The following LRMDA variants were observed in gnomAD, a reference collection of about 807,000 sequenced individuals.
The protein encoded by LRMDA is leucine-rich melanocyte differentiation-associated protein.
In LRMDA, 18 loss-of-function variants were observed where a neutral mutation model predicts 29.8. That is an observed-to-expected ratio of 0.60 (90% CI 0.42 to 0.90). The LOEUF (loss-of-function observed/expected upper bound fraction) is 0.90, where lower values mean the gene tolerates loss of function less well. Ranked by LOEUF, LRMDA falls within the 40% of genes least tolerant of loss-of-function variation. The pLI is 0.00. For missense variants in LRMDA, 273 were observed against 273.9 expected, an observed-to-expected ratio of 1.00 and a Z score of 0.02; for synonymous variants, 125 against 109.4, an observed-to-expected ratio of 1.14 and a Z score of -0.89.
chr10:76,211,453 GT>G (rs1851632417), intron 5 of LRMDA, among the ~76,000 whole-genome samples: 2 of 152,228 alleles, frequency 1.3e-5, no homozygotes, highest in Admixed American at 1.3e-4. Flanking sequence ...TACTCAAGAA[GT>G]CTTACTACAC....
At chr10:75,461,695 T>C (rs1165134608) in intron 2 of LRMDA, among the ~76,000 whole-genome samples, 3 of 152,182 alleles carry the variant, frequency 2.0e-5, no homozygotes, top group Non-Finnish European at 2.9e-5. Flanking sequence ...CACAGGGGAA[T>C]GCTTGTGTAT....
intron 5 of LRMDA, among the ~76,000 whole-genome samples, chr10:76,285,911 A>G (rs534889031): frequency 4.4e-4 from 67 of 152,336 alleles, no homozygotes; most frequent in African/African-American, 1.5e-3. Flanking sequence ...GTAAATTCAT[A>G]TTATTAAACT....
At chr10:76,338,035 G>A (rs1840990567) in intron 6 of LRMDA, among the ~76,000 whole-genome samples, 2 of 144,632 alleles carry the variant, frequency 1.4e-5, no homozygotes, top group African/African-American at 5.2e-5. Context: ...TTTCAAGGCA[G>A]AAGAAATAAT....
intron 5 of LRMDA, among the ~76,000 whole-genome samples, chr10:76,059,420 G>A (rs1848669055): frequency 6.6e-6 from 1 of 152,210 alleles, no homozygotes; most frequent in Non-Finnish European, 1.5e-5. Context: ...TGGAGAATTG[G>A]CTTGGGGTCT....
At chr10:76,377,137 G>A (rs529617069) in intron 6 of LRMDA, among the ~76,000 whole-genome samples, 2 of 151,750 alleles carry the variant, frequency 1.3e-5, no homozygotes, top group South Asian at 2.1e-4. Flanking sequence ...TGCCCACCTC[G>A]GCCTCCCAAA....
chr10:76,336,603 G>A (rs1379561641), intron 6 of LRMDA, among the ~76,000 whole-genome samples: 2 of 152,058 alleles, frequency 1.3e-5, no homozygotes, highest in Non-Finnish European at 2.9e-5. Flanking sequence ...AAATAATGCA[G>A]TGCTAATTCC....
At chr10:76,240,351 T>C (rs1589389652) in intron 5 of LRMDA, among the ~76,000 whole-genome samples, 2 of 150,874 alleles carry the variant, frequency 1.3e-5, no homozygotes, top group Non-Finnish European at 2.9e-5. Context: ...AAACATCATA[T>C]GTTCTCATTC....
rs891933281 is a variant in LRMDA, at chr10:76,502,322, A to G, written c.602-54887A>G. Reference sequence around the variant, plus strand: ...GCCTCCAGTTTTGTTCTTTTTGCTTAGGATTGTTTTGGCTATTTGAGCTCT... The same window carrying G: ...GCCTCCAGTTTTGTTCTTTTTGCTTGGGATTGTTTTGGCTATTTGAGCTCT... On this transcript the variant is annotated intron_variant, in intron 6 of 6. Coordinates refer to ENST00000611255, the MANE Select transcript of LRMDA (RefSeq NM_001305581.2). Among the ~76,000 whole-genome samples, 4 of 152,020 alleles carry G rather than the reference A, an allele frequency of 2.6e-5. No homozygotes were observed. The East Asian group carries it at 7.7e-4, about 29-fold the overall frequency.
intron 2 of LRMDA, among the ~76,000 whole-genome samples, chr10:75,578,343 G>A (rs1840537828): frequency 6.7e-6 from 1 of 149,418 alleles, no homozygotes; most frequent in Non-Finnish European, 1.5e-5. Context: ...AATGCAACAA[G>A]AAGAGTTAAC....
chr10:76,057,349 G>A (rs1848633030), intron 4 of LRMDA, among the ~76,000 whole-genome samples: 1 of 152,174 alleles, frequency 6.6e-6, no homozygotes, highest in African/African-American at 2.4e-5. Flanking sequence ...CCTAAGGCCT[G>A]GCACATAGTA....
intron 2 of LRMDA, among the ~76,000 whole-genome samples, chr10:75,508,617 G>C: frequency 6.6e-6 from 1 of 152,178 alleles, no homozygotes; most frequent in East Asian, 1.9e-4. Context: ...GATAATCTAA[G>C]CATTATAGCA....
chr10:75,970,106 T>C (rs1015791035), intron 2 of LRMDA, among the ~76,000 whole-genome samples: 5 of 152,232 alleles, frequency 3.3e-5, no homozygotes, highest in Admixed American at 6.5e-5. Flanking sequence ...TAGGTAGCTC[T>C]CTGGATACTT....
chr10:75,543,663 A>G (rs532140618), intron 2 of LRMDA, among the ~76,000 whole-genome samples: 1 of 152,242 alleles, frequency 6.6e-6, no homozygotes, highest in African/African-American at 2.4e-5. Context: ...AATAAGATAG[A>G]TATTTTATTT....
At chr10:76,006,084 C>T (rs1008186033) in intron 2 of LRMDA, among the ~76,000 whole-genome samples, 3 of 152,018 alleles carry the variant, frequency 2.0e-5, no homozygotes, top group African/African-American at 7.3e-5. Flanking sequence ...AGAACAGATC[C>T]GCCAATGAGA....
intron 5 of LRMDA, among the ~76,000 whole-genome samples, chr10:76,192,179 G>A (rs918354517): frequency 1.3e-5 from 2 of 152,162 alleles, no homozygotes; most frequent in Non-Finnish European, 2.9e-5. Context: ...TTAGATTCTA[G>A]TGTGCTCTTT....
intron 2 of LRMDA, among the ~76,000 whole-genome samples, chr10:75,729,772 T>A (rs955701040): frequency 2.0e-5 from 3 of 152,180 alleles, no homozygotes; most frequent in African/African-American, 7.2e-5. Context: ...CTTGTGCATC[T>A]GGCTGGGTTT....
chr10:75,613,825 T>C (rs1373730907), intron 2 of LRMDA, among the ~76,000 whole-genome samples: 2 of 152,202 alleles, frequency 1.3e-5, no homozygotes, highest in Admixed American at 1.3e-4. Context: ...AGTAATACTA[T>C]AGCGACTCAT....
intron 2 of LRMDA, among the ~76,000 whole-genome samples, chr10:75,869,710 G>T (rs1437927126): frequency 6.6e-6 from 1 of 152,060 alleles, no homozygotes; most frequent in African/African-American, 2.4e-5. Context: ...CTTCAGGTTG[G>T]CTTTTAGGTT....
intron 2 of LRMDA, among the ~76,000 whole-genome samples, chr10:75,481,077 T>C (rs569862778): frequency 5.2e-4 from 79 of 152,262 alleles, no homozygotes; most frequent in African/African-American, 1.9e-3. Flanking sequence ...TTGAGGTGCC[T>C]TTGGGCCATC....
Sources: gnomAD v4.1 joint callset for allele counts (sites outside exome capture counted in the v4.1 genomes callset) on GRCh38, gnomAD v4.1.1 for gene constraint, MANE v1.5 for transcripts, NCBI Gene and HGNC (gene_info 2026-07-23, HGNC 2026-07-21) for gene names.